CUEDC1: variants seen among roughly 807,000 people sequenced by gnomAD.
The protein encoded by CUEDC1 is CUE domain containing 1.
CUEDC1 carries 30 observed loss-of-function variants against 43.7 expected under a neutral mutation model. The ratio of observed to expected loss-of-function variants is 0.69; its 90% CI spans 0.51 to 0.93. The LOEUF is 0.93. Among genes scored for constraint, CUEDC1 ranks in the 40% least tolerant of loss-of-function variants. The probability of loss-of-function intolerance (pLI) is 0.00; values close to 1 mark genes in which losing one functional copy is unlikely to be tolerated. For synonymous variants in CUEDC1, 223 were observed against 223.6 expected (o/e 1.00, Z 0.02); for missense variants, 486 against 549.0 (o/e 0.89, Z 1.15).
At chr17:57,943,629 C>T (rs2074935322) in intron 1 of CUEDC1, among the ~76,000 whole-genome samples, 1 of 151,966 alleles carries the variant, frequency 6.6e-6, no homozygotes, top group African/African-American at 2.4e-5. Context: ...AAGATAAGTT[C>T]CCAAATAAAA....
chr17:57,941,817 C>G (rs1321902151), intron 1 of CUEDC1, among the ~76,000 whole-genome samples: 1 of 152,174 alleles, frequency 6.6e-6, no homozygotes, highest in East Asian at 1.9e-4. Context: ...GGAGCAAGTC[C>G]TCTTACAAAT....
chr17:57,948,587 G>A (rs1220677261), intron 1 of CUEDC1, among the ~76,000 whole-genome samples: 2 of 152,124 alleles, frequency 1.3e-5, no homozygotes, highest in South Asian at 2.1e-4. Context: ...TTTATCCTCC[G>A]ATCACCGAGC....
In CUEDC1 at chr17:57,899,738, G is replaced by T. The variant is rs1261465031; in HGVS notation, c.-315-13859C>A. 2.0e-5 allele frequency among the ~76,000 whole-genome samples: 3 copies of T among 151,784 alleles called. No homozygotes were observed. The East Asian group carries it at 5.8e-4, about 29-fold the overall frequency. Reference sequence around the variant, plus strand: ...CAGACAACACTTTAGGATTTTTTTTGAACCGTCCCACACAGCCCAGGCACT... The same window carrying T: ...CAGACAACACTTTAGGATTTTTTTTTAACCGTCCCACACAGCCCAGGCACT... On this transcript the variant is annotated intron_variant, in intron 1 of 10. Transcript: ENST00000577830.
At chr17:57,937,180 T>C (rs561921947) in intron 1 of CUEDC1, among the ~76,000 whole-genome samples, 31 of 152,302 alleles carry the variant, frequency 2.0e-4, no homozygotes, top group African/African-American at 7.0e-4. Context: ...CAGCCTGGCC[T>C]CAGCTTCTAT....
At chr17:57,888,253 G>A (rs917338515) in intron 1 of CUEDC1, among the ~76,000 whole-genome samples, 1 of 152,168 alleles carries the variant, frequency 6.6e-6, no homozygotes, top group Non-Finnish European at 1.5e-5. Flanking sequence ...TTACTAAAAT[G>A]TAATCAAACC....
At chr17:57,894,881 C>T (rs988759963) in intron 1 of CUEDC1, among the ~76,000 whole-genome samples, 18 of 152,238 alleles carry the variant, frequency 1.2e-4, no homozygotes, top group Non-Finnish European at 2.1e-4. Context: ...TTCATCTCTG[C>T]TCCTGAGGCC....
chr17:57,944,028 A>C (rs376377763), intron 1 of CUEDC1, among the ~76,000 whole-genome samples: 3 of 151,992 alleles, frequency 2.0e-5, no homozygotes, highest in African/African-American at 7.3e-5. Flanking sequence ...GTGTGACCTT[A>C]CGCAAGTTAA....
intron 3 of CUEDC1, among the ~76,000 whole-genome samples, chr17:57,874,561 C>T (rs2074084409): frequency 6.6e-6 from 1 of 152,200 alleles, no homozygotes; most frequent in South Asian, 2.1e-4. Context: ...CAGGCTCCCG[C>T]CCTACCGCCC....
At chr17:57,867,509 T>A (rs1422524280) in intron 8 of CUEDC1, 94 bp from the exon 9 acceptor site, 1 of 1,175,786 alleles carries the variant, frequency 8.5e-7, no homozygotes, top group East Asian at 2.6e-5. Flanking sequence ...CCCTCAAAGC[T>A]CTGGAGGTAC....
intron 1 of CUEDC1, among the ~76,000 whole-genome samples, chr17:57,923,127 T>C (rs1390436448): frequency 6.6e-6 from 1 of 152,116 alleles, no homozygotes; most frequent in African/African-American, 2.4e-5. Flanking sequence ...CATCTGGCTG[T>C]GAATTTTATT....
intron 1 of CUEDC1, among the ~76,000 whole-genome samples, chr17:57,886,967 C>T (rs1353024042): frequency 6.6e-6 from 1 of 151,856 alleles, no homozygotes; most frequent in African/African-American, 2.4e-5. Context: ...TACAGGCGCC[C>T]GCCACCACAC....
At chr17:57,869,913 G>A (rs1446719933) in intron 6 of CUEDC1, 1 of 152,380 alleles carries the variant, frequency 6.6e-6, no homozygotes, top group African/African-American at 2.4e-5. Flanking sequence ...AGTCCCCTTT[G>A]AGTCATTCTG....
intron 1 of CUEDC1, among the ~76,000 whole-genome samples, chr17:57,909,320 A>C (rs2074560745): frequency 6.6e-6 from 1 of 152,172 alleles, no homozygotes; most frequent in Non-Finnish European, 1.5e-5. Context: ...TTTAAAATGC[A>C]GTTCTTTGGT....
intron 1 of CUEDC1, among the ~76,000 whole-genome samples, chr17:57,915,597 T>G (rs1012075263): frequency 2.6e-5 from 4 of 152,238 alleles, no homozygotes; most frequent in Non-Finnish European, 4.4e-5. Context: ...CAGCAGGGAC[T>G]GAGCAACAGC....
At chr17:57,877,896 A>AG (rs946187542) in intron 3 of CUEDC1, among the ~76,000 whole-genome samples, 1 of 151,492 alleles carries the variant, frequency 6.6e-6, no homozygotes, top group African/African-American at 2.4e-5. Context: ...AAAAAAAAAA[A>AG]AAAAAAAGTC....
At chr17:57,892,100 CT>C (rs1480091517) in intron 1 of CUEDC1, among the ~76,000 whole-genome samples, 1 of 152,188 alleles carries the variant, frequency 6.6e-6, no homozygotes, top group African/African-American at 2.4e-5. Context: ...TTCCTTCCTC[CT>C]CCGGCTCACA....
chr17:57,885,510 C>T lies in CUEDC1; in HGVS notation c.55G>A (p.Gly19Arg), dbSNP rs1040533099. ...GTGCCTCCCCCGCCCCCGCGTGCCCCGGCGGTGCCACCCCCGCCGCTGCCG... is the reference window on the plus strand; with the variant it reads ...GTGCCTCCCCCGCCCCCGCGTGCCCTGGCGGTGCCACCCCCGCCGCTGCCG... ...SSGSGGGGTAGARGGGGGTAA... is the reference protein window; with the variant it reads ...SSGSGGGGTARARGGGGGTAA... Residue 19 changes from glycine (G) to arginine (R), a missense_variant, in exon 2 of 11, where the codon GGG (glycine) becomes AGG (arginine). By Grantham distance (125) the Gly-to-Arg change is moderately radical. Coordinates refer to ENST00000577830, the MANE Select transcript of CUEDC1 (RefSeq NM_001271875.2). 26 of 1,441,288 alleles carry T rather than the reference C, an allele frequency of 1.8e-5. No homozygotes were observed. The Middle Eastern group carries it at 1.3e-3, about 71-fold the overall frequency. The allele number at this position is 1,441,288 out of a possible 1,614,324, so 89.3% of individuals were successfully genotyped here. A position where few individuals can be genotyped will look rare whatever the true frequency, so the allele number is the denominator to read the frequency against.
At chr17:57,923,887 A>G (rs1378831638) in intron 1 of CUEDC1, among the ~76,000 whole-genome samples, 2 of 152,236 alleles carry the variant, frequency 1.3e-5, no homozygotes, top group Non-Finnish European at 2.9e-5. Context: ...TATTGTACAC[A>G]TGAGGAAACA....
intron 3 of CUEDC1, among the ~76,000 whole-genome samples, chr17:57,879,191 G>A (rs1244394838): frequency 2.0e-5 from 3 of 152,158 alleles, no homozygotes; most frequent in Non-Finnish European, 2.9e-5. Context: ...TGTTAAGGAG[G>A]ATCTGAGGCT....
Sources: allele counts gnomAD v4.1 joint callset (sites outside exome capture counted in the v4.1 genomes callset), GRCh38; gene constraint gnomAD v4.1.1; transcripts MANE v1.5; gene names NCBI Gene and HGNC (gene_info 2026-07-23, HGNC 2026-07-21).